The following XKR9 variants were observed in gnomAD, a reference collection of about 807,000 sequenced individuals.
The protein encoded by XKR9 is XK related 9.
XKR9 carries 32 observed loss-of-function variants against 32.0 expected under a neutral mutation model. That is an observed-to-expected ratio of 1.00 (90% CI 0.76 to 1.34). The LOEUF (loss-of-function observed/expected upper bound fraction) is 1.34. Among genes scored for constraint, XKR9 ranks in the 40% most tolerant of loss-of-function variants. The pLI, the probability that XKR9 is intolerant of heterozygous loss-of-function variation, is 0.00. For synonymous variants in XKR9, 168 were observed against 143.4 expected, an observed-to-expected ratio of 1.17 and a Z score of -1.22; for missense variants, 546 against 429.7, an observed-to-expected ratio of 1.27 and a Z score of -2.39.
chr8:70,851,649 C>A, the XKR9 span, among the ~76,000 whole-genome samples: 4 of 152,174 alleles, frequency 2.6e-5, no homozygotes, highest in Admixed American at 6.5e-5. Context: ...ACCATCTGAT[C>A]TTCAAGAAGC....
the XKR9 span, among the ~76,000 whole-genome samples, chr8:70,877,036 A>G: frequency 3.7e-4 from 56 of 152,264 alleles, no homozygotes; most frequent in African/African-American, 1.3e-3. Flanking sequence ...TTTATAAAGG[A>G]AAGAGGTTTA....
chr8:70,828,036 CAG>C, the XKR9 span, among the ~76,000 whole-genome samples: 2 of 152,064 alleles, frequency 1.3e-5, no homozygotes, highest in East Asian at 3.8e-4. Flanking sequence ...TCATTATTAA[CAG>C]TGTCATAAAA....
At chr8:70,976,517 G>A in the XKR9 span, among the ~76,000 whole-genome samples, 1 of 152,114 alleles carries the variant, frequency 6.6e-6, no homozygotes, top group Non-Finnish European at 1.5e-5. Flanking sequence ...GATGGATTAC[G>A]TTTATTGATT....
chr8:70,770,983 C>T (rs1168890776), intron 2 of XKR9, among the ~76,000 whole-genome samples: 1 of 152,184 alleles, frequency 6.6e-6, no homozygotes, highest in African/African-American at 2.4e-5. Context: ...CTGCAGCTAG[C>T]TTGGTGTCTG....
At chr8:71,019,280 C>T in the XKR9 span, among the ~76,000 whole-genome samples, 4 of 152,118 alleles carry the variant, frequency 2.6e-5, no homozygotes, top group African/African-American at 7.2e-5. Flanking sequence ...AATGATTTAG[C>T]GTTGTGCTTA....
At chr8:70,957,895 C>T in the XKR9 span, among the ~76,000 whole-genome samples, 2 of 140,078 alleles carry the variant, frequency 1.4e-5, no homozygotes, top group East Asian at 4.6e-4. Context: ...TCAAGTGATT[C>T]TCCTGCCTCA....
At chr8:71,004,140 T>C in the XKR9 span, among the ~76,000 whole-genome samples, 5 of 152,108 alleles carry the variant, frequency 3.3e-5, no homozygotes, top group Non-Finnish European at 7.4e-5. Context: ...TGGAGGACCA[T>C]GTTGTGAATC....
chr8:70,700,858 G>T (rs1230243408), intron 3 of XKR9, among the ~76,000 whole-genome samples: 2 of 152,236 alleles, frequency 1.3e-5, no homozygotes, highest in African/African-American at 4.8e-5. Flanking sequence ...CTTCCCAGCT[G>T]CTTTGTTTAC....
At chr8:70,722,567 G>A (rs1426842440) in intron 4 of XKR9, among the ~76,000 whole-genome samples, 1 of 152,118 alleles carries the variant, frequency 6.6e-6, no homozygotes, top group African/African-American at 2.4e-5. Context: ...ACTTAGTTTG[G>A]CTGGGTATGA....
Position 70,786,271 on chromosome 8 carries a change from A to T in XKR9, n.353-3068A>T, listed in dbSNP as rs537183472. 3.3e-5 allele frequency among the ~76,000 whole-genome samples: 5 copies of T among 152,172 alleles called. No individual in the cohort carries two copies. The South Asian group carries it at 6.2e-4, about 19-fold the overall frequency. Reference sequence around the variant, plus strand: ...CTGCTGCTGTTGGATGGAATATTCTATGTATGTCTGTTAGATCCATTTAGT... The same window carrying T: ...CTGCTGCTGTTGGATGGAATATTCTTTGTATGTCTGTTAGATCCATTTAGT... On this transcript the variant is annotated intron_variant and non_coding_transcript_variant, in intron 2 of 3. Coordinates refer to the XKR9 transcript ENST00000520273.
the XKR9 span, among the ~76,000 whole-genome samples, chr8:70,872,942 G>A: frequency 0.32 from 48,296 of 152,052 alleles, 9,000 homozygotes; most frequent in Non-Finnish European, 0.43. Flanking sequence ...TTACAGGTAT[G>A]AGCCACTGCA....
chr8:70,810,744 C>A, the XKR9 span, among the ~76,000 whole-genome samples: 1,340 of 152,290 alleles, frequency 8.8e-3, 45 homozygotes, highest in East Asian at 0.11. Flanking sequence ...AGCTCACTAT[C>A]CTAAATATAT....
chr8:70,679,831 C>T (rs939408334), intron 2 of XKR9, among the ~76,000 whole-genome samples: 6 of 151,896 alleles, frequency 4.0e-5, no homozygotes, highest in Non-Finnish European at 7.4e-5. Flanking sequence ...TAAATTGGGG[C>T]GTTTTATATA....
intron 4 of XKR9, among the ~76,000 whole-genome samples, chr8:70,709,613 C>G (rs1269524523): frequency 2.0e-5 from 3 of 152,086 alleles, no homozygotes; most frequent in East Asian, 1.9e-4. Context: ...AATTGGTATA[C>G]AAGATCGATG....
the XKR9 span, among the ~76,000 whole-genome samples, chr8:70,856,564 T>C: frequency 1.3e-5 from 2 of 152,076 alleles, no homozygotes; most frequent in African/African-American, 2.4e-5. Flanking sequence ...GACAGATCAA[T>C]GAGACAGAAA....
intron 3 of XKR9, among the ~76,000 whole-genome samples, chr8:70,700,137 G>A (rs1474979142): frequency 6.6e-6 from 1 of 152,094 alleles, no homozygotes; most frequent in East Asian, 1.9e-4. Flanking sequence ...ATTTCCTCCT[G>A]TAGGTCAGAG....
chr8:70,901,882 G>A, the XKR9 span, among the ~76,000 whole-genome samples: 1 of 152,186 alleles, frequency 6.6e-6, no homozygotes, highest in Non-Finnish European at 1.5e-5. Flanking sequence ...CATAAGGCTA[G>A]CCAGTTTTCC....
the XKR9 span, among the ~76,000 whole-genome samples, chr8:70,809,179 A>C: frequency 2.0e-4 from 30 of 152,218 alleles, no homozygotes; most frequent in African/African-American, 7.0e-4. Context: ...ATACCCAGGC[A>C]AACAGGATCT....
rs1819173500 is a variant in XKR9 at position 70,683,972 on chromosome 8, T to C, written c.272+2642T>C. Among the ~76,000 whole-genome samples, 3 of 152,212 alleles carry C rather than the reference T, an allele frequency of 2.0e-5. No individual in the cohort carries two copies. The South Asian group carries it at 6.2e-4, about 31-fold the overall frequency. ...TGAGTAGTTATGTTCTCTCTGCATA[T>C]TATATTTGATTGTTTTTTGGTTTCT... is the stretch of plus-strand genomic sequence containing the variant. On this transcript the variant is annotated intron_variant, in intron 3 of 4. Transcript: ENST00000408926.
Sources: allele counts gnomAD v4.1 joint callset (sites outside exome capture counted in the v4.1 genomes callset), GRCh38; gene constraint gnomAD v4.1.1; transcripts MANE v1.5; gene names NCBI Gene and HGNC (gene_info 2026-07-23, HGNC 2026-07-21).